RGS21: variants seen among roughly 807,000 people sequenced by gnomAD.
The protein encoded by RGS21 is regulator of G protein signaling 21, also known as regulator of G-protein signalling 21.
Under a neutral mutation model 18.7 loss-of-function variants are expected in RGS21, and 19 were observed. The observed-to-expected ratio is 1.01, with a 90% CI of 0.71 to 1.49. The LOEUF is 1.49. RGS21 is among the 40% of genes most tolerant of loss of function. RGS21 has a pLI of 0.00. For synonymous variants in RGS21, 56 were observed against 57.8 expected (o/e 0.97, Z 0.14); for missense variants, 194 against 176.8 (o/e 1.10, Z -0.55).
intron 4 of RGS21, among the ~76,000 whole-genome samples, chr1:192,359,080 TG>T (rs1344186612): frequency 6.6e-6 from 1 of 152,138 alleles, no homozygotes. Flanking sequence ...ACCACAATCC[TG>T]TGTCTTGTTT....
intron 1 of RGS21, among the ~76,000 whole-genome samples, chr1:192,336,892 G>T (rs1240234888): frequency 1.3e-5 from 2 of 152,096 alleles, no homozygotes; most frequent in Non-Finnish European, 2.9e-5. Context: ...GATTGGCTGG[G>T]TGAGAATTTT....
chr1:192,358,260 A>G (rs1228277520), intron 4 of RGS21, among the ~76,000 whole-genome samples: 1 of 151,972 alleles, frequency 6.6e-6, no homozygotes, highest in Non-Finnish European at 1.5e-5. Context: ...TTCCCAATTT[A>G]AGGTGTTAAT....
intron 4 of RGS21, among the ~76,000 whole-genome samples, chr1:192,360,078 GAC>G (rs933816535): frequency 4.6e-5 from 7 of 151,846 alleles, no homozygotes; most frequent in Non-Finnish European, 1.0e-4. Context: ...AATGAGAAGA[GAC>G]ACTCCTCATC....
chr1:192,356,445 A>G (rs1659113884), intron 4 of RGS21, among the ~76,000 whole-genome samples: 1 of 151,852 alleles, frequency 6.6e-6, no homozygotes, highest in African/African-American at 2.4e-5. Context: ...ACTTTTCAAT[A>G]CAGTTGGGTT....
chr1:192,340,158 A>T (rs1009343028), intron 1 of RGS21, among the ~76,000 whole-genome samples: 2 of 152,112 alleles, frequency 1.3e-5, no homozygotes, highest in African/African-American at 4.8e-5. Context: ...AAAATATTGC[A>T]GAATAAATCT....
In RGS21 at chr1:192,365,982, A is replaced by T. The variant is rs770229919; in HGVS notation, c.317A>T (p.Lys106Ile). The T allele has an allele frequency of 2.5e-6, 4 of 1,610,334 alleles. No homozygotes were observed. Among genetic ancestry groups the T allele is most frequent in the Non-Finnish European group, 3.4e-6 (4 of 1,177,146 alleles). The change falls in exon 5 of 5, where the codon AAA becomes ATA. Residue 106 changes from lysine (K) to isoleucine (I), a missense_variant. Lys to Ile is a moderately radical substitution (Grantham distance 102). Transcript: ENST00000417209. The part of the protein sequence containing the change: ...ISKNIAEPTL[K>I]CFDEAQKLIY... ...AAGAATATTGCTGAACCAACACTCA[A>T]ATGCTTTGATGAGGCTCAGAAATTA...
chr1:192,320,637 G>T (rs1658483221), intron 1 of RGS21, among the ~76,000 whole-genome samples: 1 of 151,728 alleles, frequency 6.6e-6, no homozygotes, highest in Admixed American at 6.6e-5. Context: ...CTAAAGCAGG[G>T]CTACCAGTGA....
chr1:192,349,778 C>A (rs961725559), intron 3 of RGS21, among the ~76,000 whole-genome samples: 1 of 152,020 alleles, frequency 6.6e-6, no homozygotes, highest in African/African-American at 2.4e-5. Context: ...TTGAGAGTAG[C>A]CCATCATTAA....
At chr1:192,353,854 T>C (rs1659077953) in intron 4 of RGS21, among the ~76,000 whole-genome samples, 1 of 151,690 alleles carries the variant, frequency 6.6e-6, no homozygotes, top group African/African-American at 2.4e-5. Context: ...ATTAAATTGA[T>C]GGCTGCTTTC....
intron 4 of RGS21, among the ~76,000 whole-genome samples, chr1:192,361,776 G>A (rs941593295): frequency 7.2e-5 from 11 of 151,852 alleles, no homozygotes; most frequent in South Asian, 2.1e-4. Flanking sequence ...TTAACTCCTC[G>A]CTTCAGGTGA....
At chr1:192,338,199 C>G (rs1658801586) in intron 1 of RGS21, among the ~76,000 whole-genome samples, 1 of 152,094 alleles carries the variant, frequency 6.6e-6, no homozygotes, top group South Asian at 2.1e-4. Flanking sequence ...TAGAACCGCT[C>G]TCAGAAATAA....
chr1:192,333,376 C>T (rs1305007497), intron 1 of RGS21, among the ~76,000 whole-genome samples: 1 of 151,674 alleles, frequency 6.6e-6, no homozygotes, highest in African/African-American at 2.4e-5. Context: ...TATACAAACA[C>T]CTACACTATT....
At chr1:192,328,216 G>A (rs114972741) in intron 1 of RGS21, among the ~76,000 whole-genome samples, 6 of 152,284 alleles carry the variant, frequency 3.9e-5, no homozygotes, top group African/African-American at 7.2e-5. Context: ...GCATGGCTCC[G>A]AGGGCGGCCA....
rs543569549 is a variant in RGS21 at position 192,359,468 on chromosome 1, C to T, written c.256-6453C>T. ...TCAGTATACTTCAAACTCAATATTT[C>T]ATCTGTCTTACTTTTAGAGATAGAA... On this transcript the variant is annotated intron_variant, in intron 4 of 4. Transcript: ENST00000417209. Among the ~76,000 whole-genome samples, 181 of 151,930 alleles carry T rather than the reference C, an allele frequency of 1.2e-3. 1 individual carries two copies. In the Middle Eastern group the frequency reaches 0.024, roughly 20 times the overall value.
intron 4 of RGS21, among the ~76,000 whole-genome samples, chr1:192,357,654 A>C (rs892879469): frequency 6.6e-6 from 1 of 151,808 alleles, no homozygotes; most frequent in African/African-American, 2.4e-5. Flanking sequence ...TAAGCTTCAA[A>C]TTTCTTCCCC....
intron 3 of RGS21, among the ~76,000 whole-genome samples, chr1:192,348,827 A>G (rs1049439584): frequency 2.0e-4 from 30 of 152,192 alleles, no homozygotes; most frequent in African/African-American, 6.8e-4. Flanking sequence ...AATAAAAATT[A>G]GAATATTAGA....
At chr1:192,350,350 T>A (rs1659022474) in intron 3 of RGS21, among the ~76,000 whole-genome samples, 2 of 152,202 alleles carry the variant, frequency 1.3e-5, no homozygotes, top group Admixed American at 6.5e-5. Flanking sequence ...TCTATAAACT[T>A]CACTTTTGCA....
chr1:192,339,215 C>T (rs1658815261), intron 1 of RGS21, among the ~76,000 whole-genome samples: 1 of 143,496 alleles, frequency 7.0e-6, no homozygotes, highest in African/African-American at 2.6e-5. Flanking sequence ...ATCAAATCGG[C>T]ATTTTTTTTT....
In RGS21 at chr1:192,335,940, T is replaced by C. The variant is rs1042781230; in HGVS notation, c.-60-7037T>C. Among the ~76,000 whole-genome samples, 5 of 152,194 alleles carry C rather than the reference T, an allele frequency of 3.3e-5. No individual in the cohort carries two copies. The South Asian group carries it at 6.2e-4, about 19-fold the overall frequency. On this transcript the variant is annotated intron_variant, in intron 1 of 4. Coordinates refer to ENST00000417209, the MANE Select transcript of RGS21 (RefSeq NM_001039152.3). ...CTACCAGGCTAGCATTTTGGACTTCTAGGTAATCATTGGGAAATCAACAAC... is the reference window on the plus strand; with the variant it reads ...CTACCAGGCTAGCATTTTGGACTTCCAGGTAATCATTGGGAAATCAACAAC...
Sources: allele counts gnomAD v4.1 joint callset (sites outside exome capture counted in the v4.1 genomes callset), GRCh38; gene constraint gnomAD v4.1.1; transcripts MANE v1.5; gene names NCBI Gene and HGNC (gene_info 2026-07-23, HGNC 2026-07-21).